Variants in CRY1 observed in about 807,000 individuals in gnomAD.
CRY1 encodes the protein cryptochrome circadian regulator 1.
CRY1 carries 45 observed loss-of-function variants against 76.0 expected under a neutral mutation model. The ratio of observed to expected loss-of-function variants is 0.59; its 90% CI spans 0.47 to 0.76. CRY1 has a LOEUF of 0.76. CRY1 is among the 30% of genes least tolerant of loss of function. The pLI is 0.00. For synonymous variants in CRY1, 248 were observed against 244.0 expected (o/e 1.02, Z -0.15); for missense variants, 587 against 716.4 (o/e 0.82, Z 2.06).
In CRY1 at chr12:107,076,148, A is replaced by T. The variant is rs1390946761; in HGVS notation, c.158+16656T>A. On this transcript the variant is annotated intron_variant, in intron 1 of 12. Transcript: ENST00000008527. ...GTATGCAACTAGATGAGATCACCTA[A>T]AGAATAAATGTGGATAAAGAAGTGA... is the stretch of plus-strand genomic sequence containing the variant. Among the ~76,000 whole-genome samples, 12 of 152,132 alleles carry T rather than the reference A, an allele frequency of 7.9e-5. No individual in the cohort carries two copies. The East Asian group carries it at 2.3e-3, about 29-fold the overall frequency.
At chr12:107,084,971 T>C (rs931989912) in intron 1 of CRY1, among the ~76,000 whole-genome samples, 6 of 112,086 alleles carry the variant, frequency 5.4e-5, no homozygotes, top group African/African-American at 1.7e-4. Flanking sequence ...TAAACAAATT[T>C]ACAAAAAAAA....
Position 107,070,670 on chromosome 12 carries a change from A to T in CRY1, c.158+22134T>A, listed in dbSNP as rs552266135. Among the ~76,000 whole-genome samples the T allele has an allele frequency of 3.7e-3, 208 of 56,182 alleles. 1 individual carries two copies. Among genetic ancestry groups the T allele is most frequent in the South Asian group, 0.011 (13 of 1,156 alleles). 36.9% of individuals were successfully genotyped at this position (56,182 alleles called of 152,430 possible). A position where few individuals can be genotyped will look rare whatever the true frequency, so the allele number is the denominator to read the frequency against. On this transcript the variant is annotated intron_variant, in intron 1 of 12. Transcript: ENST00000008527. ...CACATCGCTGGATTCTCTTATTTTT[A>T]TTTATTTATTTATTTATTTATTTAT...
At chr12:107,045,985 G>C (rs979836156) in intron 1 of CRY1, among the ~76,000 whole-genome samples, 1 of 152,188 alleles carries the variant, frequency 6.6e-6, no homozygotes, top group East Asian at 1.9e-4. Flanking sequence ...AAATTAGCTA[G>C]GTGTGGTGGC....
chr12:107,045,892 T>A (rs1952843192), intron 1 of CRY1, among the ~76,000 whole-genome samples: 1 of 152,210 alleles, frequency 6.6e-6, no homozygotes, highest in Admixed American at 6.5e-5. Flanking sequence ...CACACCAACA[T>A]GGCACATGTA....
chr12:106,992,736 T>C (rs867615185), intron 12 of CRY1, 51 bp downstream of exon 12: 6 of 1,380,368 alleles, frequency 4.3e-6, no homozygotes, highest in African/African-American at 1.4e-5. Context: ...TCTTAATTTA[T>C]GTTAATTATA....
chr12:107,086,643 G>C (rs556099801), intron 1 of CRY1, among the ~76,000 whole-genome samples: 1 of 152,372 alleles, frequency 6.6e-6, no homozygotes, highest in East Asian at 1.9e-4. Context: ...CACTCCAGTG[G>C]GTGCAAACCA....
At chr12:107,001,186 A>G in intron 5 of CRY1, 94 bp downstream of exon 5, 1 of 919,160 alleles carries the variant, frequency 1.1e-6, no homozygotes. Flanking sequence ...TCCCCTTTCA[A>G]CAATCTATTT....
At chr12:107,020,351 T>C (rs763594215) in intron 2 of CRY1, among the ~76,000 whole-genome samples, 16 of 152,156 alleles carry the variant, frequency 1.1e-4, no homozygotes, top group Non-Finnish European at 2.1e-4. Context: ...AAAGCAGATA[T>C]ACATTTATAA....
intron 3 of CRY1, among the ~76,000 whole-genome samples, chr12:107,004,848 T>A (rs1952352153): frequency 6.6e-6 from 1 of 152,156 alleles, no homozygotes. Context: ...ATAGTCTTAA[T>A]CCATAATAGT....
intron 1 of CRY1, among the ~76,000 whole-genome samples, chr12:107,062,917 T>C (rs900932348): frequency 2.0e-5 from 3 of 152,240 alleles, no homozygotes; most frequent in Admixed American, 6.5e-5. Context: ...ATTAAGTTTT[T>C]CTCAATTTAA....
intron 2 of CRY1, among the ~76,000 whole-genome samples, chr12:107,021,711 TACAC>T (rs1393757645): frequency 2.0e-5 from 3 of 150,810 alleles, no homozygotes; most frequent in Admixed American, 6.6e-5. Context: ...CATATATATA[TACAC>T]ACACACACAC....
At position 107,021,815 on chromosome 12, in the gene CRY1, T is replaced by C. The variant is rs188170842; in HGVS notation, c.267+269A>G. Reference sequence around the variant, plus strand: ...AAACAAGAAACTGGAATTGGATACATAAGAAACTGGTAGTAGCTGTTGCTT... The same window carrying C: ...AAACAAGAAACTGGAATTGGATACACAAGAAACTGGTAGTAGCTGTTGCTT... On this transcript the variant is annotated intron_variant, in intron 2 of 12. Transcript: ENST00000008527. 5.8e-4 allele frequency among the ~76,000 whole-genome samples: 88 copies of C among 152,186 alleles called. No individual in the cohort carries two copies. The East Asian group carries it at 0.014, about 24-fold the overall frequency.
At chr12:107,012,574 T>A (rs1467436552) in intron 2 of CRY1, among the ~76,000 whole-genome samples, 1 of 152,232 alleles carries the variant, frequency 6.6e-6, no homozygotes, top group Non-Finnish European at 1.5e-5. Flanking sequence ...CAATGTAACA[T>A]CAATTCTGCA....
At chr12:107,054,755 T>C (rs1400143328) in intron 1 of CRY1, among the ~76,000 whole-genome samples, 1 of 151,844 alleles carries the variant, frequency 6.6e-6, no homozygotes, top group Non-Finnish European at 1.5e-5. Flanking sequence ...AAATATACTA[T>C]AAAGTCACGT....
At chr12:107,082,942 C>T (rs1362681368) in intron 1 of CRY1, among the ~76,000 whole-genome samples, 3 of 152,048 alleles carry the variant, frequency 2.0e-5, no homozygotes, top group Non-Finnish European at 4.4e-5. Flanking sequence ...AATTGATAGA[C>T]TGCTAGACAG....
At chr12:107,046,035 G>A (rs546672637) in intron 1 of CRY1, among the ~76,000 whole-genome samples, 2 of 151,844 alleles carry the variant, frequency 1.3e-5, no homozygotes, top group African/African-American at 4.8e-5. Flanking sequence ...GCTGGGGCAG[G>A]AGAATTGCTT....
chr12:107,011,367 A>C (rs1159935900), intron 2 of CRY1, among the ~76,000 whole-genome samples: 1 of 152,152 alleles, frequency 6.6e-6, no homozygotes, highest in Admixed American at 6.5e-5. Context: ...AAACAAAAAA[A>C]AAAAACAAAA....
intron 1 of CRY1, among the ~76,000 whole-genome samples, chr12:107,035,345 C>A (rs79842763): frequency 0.027 from 4,159 of 152,138 alleles, 72 homozygotes; most frequent in Middle Eastern, 0.041. Flanking sequence ...TTATTGAGAG[C>A]CTATTAAGTG....
At chr12:107,077,852 TTTG>T (rs1313771194) in intron 1 of CRY1, among the ~76,000 whole-genome samples, 2 of 152,030 alleles carry the variant, frequency 1.3e-5, no homozygotes, top group Non-Finnish European at 2.9e-5. Context: ...TACACACACC[TTTG>T]TTAACATCCT....
Sources: gnomAD v4.1 joint callset for allele counts (sites outside exome capture counted in the v4.1 genomes callset) on GRCh38, gnomAD v4.1.1 for gene constraint, MANE v1.5 for transcripts, NCBI Gene and HGNC (gene_info 2026-07-23, HGNC 2026-07-21) for gene names.